Variants in STARD13 observed in about 807,000 individuals in gnomAD.
STARD13 encodes StAR related lipid transfer domain containing 13.
In STARD13, 62 loss-of-function variants were observed where a neutral mutation model predicts 106.4. The observed-to-expected ratio is 0.58, with a 90% CI of 0.48 to 0.72. STARD13 has a LOEUF of 0.72. Ranked by LOEUF, STARD13 falls within the 30% of genes least tolerant of loss-of-function variation. STARD13 has a pLI of 0.00. For synonymous variants in STARD13, 565 were observed against 553.0 expected, an observed-to-expected ratio of 1.02 and a Z score of -0.31; for missense variants, 1,387 against 1,424.0, an observed-to-expected ratio of 0.97 and a Z score of 0.42.
the STARD13 span, among the ~76,000 whole-genome samples, chr13:33,380,062 A>T: frequency 6.6e-6 from 1 of 152,130 alleles, no homozygotes; most frequent in African/African-American, 2.4e-5. Context: ...TATCAGACAG[A>T]TGTTTTATAG....
At chr13:33,577,037 G>A in the STARD13 span, among the ~76,000 whole-genome samples, 2 of 152,118 alleles carry the variant, frequency 1.3e-5, no homozygotes, top group Non-Finnish European at 2.9e-5. Flanking sequence ...AGGATTTCAC[G>A]TTTCACAAAA....
chr13:33,479,853 C>T, the STARD13 span, among the ~76,000 whole-genome samples: 86 of 152,268 alleles, frequency 5.6e-4, 1 homozygote, highest in African/African-American at 2.0e-3. Flanking sequence ...ATGTGAGATG[C>T]CTGCTCCCCC....
At chr13:33,637,194 A>G in the STARD13 span, among the ~76,000 whole-genome samples, 1 of 152,204 alleles carries the variant, frequency 6.6e-6, no homozygotes, top group Non-Finnish European at 1.5e-5. Context: ...ATGACTAATC[A>G]AGGTCTTACG....
intron 1 of STARD13, among the ~76,000 whole-genome samples, chr13:33,318,051 A>G (rs866877228): frequency 6.6e-6 from 1 of 152,218 alleles, no homozygotes. Flanking sequence ...GGCATCAATT[A>G]GAGGTTTACA....
In STARD13 at chr13:33,139,486, T is replaced by C. The variant is rs114280815; in HGVS notation, c.387+2824A>G. On this transcript the variant is annotated intron_variant, in intron 4 of 13. Coordinates refer to ENST00000336934, the MANE Select transcript of STARD13 (RefSeq NM_178006.4). ...GTCCGGCAGTCCCAAGGCACAATGA[T>C]TGTGACCCCAGACAGTTTAGCTACT... is the stretch of plus-strand genomic sequence containing the variant. Among the ~76,000 whole-genome samples, 892 of 152,312 alleles carry C rather than the reference T, an allele frequency of 5.9e-3. 13 individuals carry two copies. The highest frequency in any genetic ancestry group is 0.02 in the African/African-American group (840 of 41,568).
chr13:33,449,881 G>T, the STARD13 span, among the ~76,000 whole-genome samples: 6 of 151,806 alleles, frequency 4.0e-5, no homozygotes, highest in Non-Finnish European at 5.9e-5. Flanking sequence ...TTCTTTTTCA[G>T]GTTCTTCACT....
the STARD13 span, among the ~76,000 whole-genome samples, chr13:33,587,215 CAAA>C: frequency 1.9e-3 from 187 of 96,754 alleles, no homozygotes; most frequent in Non-Finnish European, 2.7e-3. Context: ...GACTCTGTCT[CAAA>C]AAAAAAAAAA....
rs375418881 is a variant in STARD13, at chr13:33,129,765, G to A, written c.912C>T (p.Ile304=). The A allele has an allele frequency of 1.7e-5, 27 of 1,613,940 alleles. No homozygotes were observed. The highest frequency in any genetic ancestry group is 2.3e-5 in the Non-Finnish European group (27 of 1,180,040). ...EPESFKAMQC[I]QIPNGDLQNS... is the part of the protein sequence containing the mutation. ...TCTGGAGATCTCCATTTGGTATTTGGATGCACTGCATAGCCTTAAAGGACT... is the reference window on the plus strand; with the variant it reads ...TCTGGAGATCTCCATTTGGTATTTGAATGCACTGCATAGCCTTAAAGGACT... Residue 304 remains isoleucine, a synonymous_variant, in exon 5 of 14, where the codon ATC becomes ATT. Coordinates refer to ENST00000336934, the MANE Select transcript of STARD13 (RefSeq NM_178006.4).
chr13:33,616,142 GAA>G, the STARD13 span, among the ~76,000 whole-genome samples: 3 of 148,230 alleles, frequency 2.0e-5, no homozygotes, highest in African/African-American at 7.4e-5. Flanking sequence ...GGAAGACAGG[GAA>G]AAAGAGAGAG....
chr13:33,295,892 A>C (rs1892472383), intron 1 of STARD13, among the ~76,000 whole-genome samples: 1 of 151,980 alleles, frequency 6.6e-6, no homozygotes, highest in African/African-American at 2.4e-5. Context: ...CCCCTCCTTC[A>C]ATTAATAAGA....
intron 1 of STARD13, among the ~76,000 whole-genome samples, chr13:33,172,269 T>C (rs1488405322): frequency 6.6e-6 from 1 of 152,248 alleles, no homozygotes; most frequent in African/African-American, 2.4e-5. Context: ...TCGAGAATGA[T>C]GCTTATTTTT....
chr13:33,231,004 G>A (rs1472734024), intron 1 of STARD13, among the ~76,000 whole-genome samples: 1 of 152,206 alleles, frequency 6.6e-6, no homozygotes, highest in Non-Finnish European at 1.5e-5. Context: ...TGGAGAGATT[G>A]GGACACTAGC....
the STARD13 span, among the ~76,000 whole-genome samples, chr13:33,506,503 T>C: frequency 2.6e-5 from 4 of 152,174 alleles, no homozygotes; most frequent in Admixed American, 2.0e-4. Flanking sequence ...TCCAAAGACT[T>C]AGAGACTTTT....
chr13:33,194,826 T>C (rs908517382), intron 1 of STARD13, among the ~76,000 whole-genome samples: 3 of 152,238 alleles, frequency 2.0e-5, no homozygotes, highest in African/African-American at 7.2e-5. Context: ...CTGTTAGTCA[T>C]TTTTTAAAAT....
chr13:33,456,045 A>C, the STARD13 span, among the ~76,000 whole-genome samples: 1 of 152,246 alleles, frequency 6.6e-6, no homozygotes, highest in African/African-American at 2.4e-5. Context: ...TTCAATGTCC[A>C]TGAATAAAGT....
chr13:33,510,607 T>C, the STARD13 span, among the ~76,000 whole-genome samples: 1 of 152,152 alleles, frequency 6.6e-6, no homozygotes, highest in Non-Finnish European at 1.5e-5. Context: ...ATAAAAGCTC[T>C]CCCTGGGTCT....
intron 1 of STARD13, among the ~76,000 whole-genome samples, chr13:33,260,394 C>T (rs1176260692): frequency 1.3e-5 from 2 of 152,256 alleles, no homozygotes; most frequent in Admixed American, 1.3e-4. Context: ...CAGCCATTGC[C>T]AACGCTGCTT....
chr13:33,500,624 C>A, the STARD13 span, among the ~76,000 whole-genome samples: 9 of 152,156 alleles, frequency 5.9e-5, no homozygotes, highest in Non-Finnish European at 1.2e-4. Flanking sequence ...TTTCTTCAGA[C>A]ACAATCAGTT....
intron 1 of STARD13, among the ~76,000 whole-genome samples, chr13:33,340,367 C>G (rs2077946455): frequency 6.6e-6 from 1 of 151,236 alleles, no homozygotes; most frequent in African/African-American, 2.5e-5. Context: ...ACACCATGTT[C>G]AGCTAATTTT....
Sources: allele counts gnomAD v4.1 joint callset (sites outside exome capture counted in the v4.1 genomes callset), GRCh38; gene constraint gnomAD v4.1.1; transcripts MANE v1.5; gene names NCBI Gene and HGNC (gene_info 2026-07-23, HGNC 2026-07-21).